TGFA: variants seen among roughly 807,000 people sequenced by gnomAD.
TGFA encodes transforming growth factor alpha.
TGFA carries 12 observed loss-of-function variants against 21.7 expected under a neutral mutation model. The ratio of observed to expected loss-of-function variants is 0.55; its 90% confidence interval spans 0.35 to 0.90. The LOEUF (loss-of-function observed/expected upper bound fraction) is 0.90, where lower values mean the gene tolerates loss of function less well. Ranked by LOEUF, TGFA falls within the 40% of genes least tolerant of loss-of-function variation. The pLI is 0.01. For synonymous variants in TGFA, 79 were observed against 88.1 expected (o/e 0.90, Z 0.58); for missense variants, 178 against 210.8 (o/e 0.84, Z 0.96).
intron 2 of TGFA, chr2:70,467,266 T>C (rs545346640): frequency 2.0e-5 from 3 of 152,286 alleles, no homozygotes; most frequent in Non-Finnish European, 4.4e-5. Flanking sequence ...ACAGTCAGTG[T>C]TGGGAAATTC....
chr2:70,553,128 C>A (rs1356554942), intron 1 of TGFA: 2 of 1,525,494 alleles, frequency 1.3e-6, no homozygotes, highest in Non-Finnish European at 1.8e-6. Context: ...GAAACCACTT[C>A]TCCCAGGGAA....
At chr2:70,514,594 C>G (rs984701771) in intron 2 of TGFA, among the ~76,000 whole-genome samples, 1 of 152,150 alleles carries the variant, frequency 6.6e-6, no homozygotes. Context: ...TTTTGGCACA[C>G]TTGCCCACAG....
chr2:70,520,940 C>A (rs1553502147), intron 1 of TGFA, among the ~76,000 whole-genome samples: 1 of 152,080 alleles, frequency 6.6e-6, no homozygotes, highest in East Asian at 1.9e-4. Context: ...CTCTCCTTCA[C>A]CCAGTATCCA....
intron 2 of TGFA, among the ~76,000 whole-genome samples, chr2:70,513,814 C>G (rs1474348134): frequency 6.6e-6 from 1 of 152,148 alleles, no homozygotes; most frequent in African/African-American, 2.4e-5. Flanking sequence ...GGAGACACAG[C>G]AGGAGGCTAG....
intron 2 of TGFA, among the ~76,000 whole-genome samples, chr2:70,482,275 G>A (rs910930889): frequency 1.3e-4 from 20 of 152,096 alleles, no homozygotes; most frequent in Non-Finnish European, 1.9e-4. Flanking sequence ...TGTGATATAG[G>A]TTCTATTATT....
chr2:70,496,382 A>C (rs533833398), intron 2 of TGFA, among the ~76,000 whole-genome samples: 12 of 151,674 alleles, frequency 7.9e-5, no homozygotes, highest in Non-Finnish European at 1.3e-4. Context: ...AAATAGCAGA[A>C]AAGGACCTAT....
intron 2 of TGFA, among the ~76,000 whole-genome samples, chr2:70,483,788 G>A (rs1671197327): frequency 6.6e-6 from 1 of 152,092 alleles, no homozygotes; most frequent in South Asian, 2.1e-4. Flanking sequence ...CCACCTAGGA[G>A]GCACTAACGT....
At chr2:70,553,312 G>C (rs1324980405) in intron 1 of TGFA, 2 of 1,510,974 alleles carry the variant, frequency 1.3e-6, no homozygotes, top group Admixed American at 4.5e-5. Flanking sequence ...CCGGCCAGAG[G>C]GTTAGACGCC....
At chr2:70,509,828 C>A (rs1247998686) in intron 2 of TGFA, among the ~76,000 whole-genome samples, 1 of 152,170 alleles carries the variant, frequency 6.6e-6, no homozygotes, top group Non-Finnish European at 1.5e-5. Context: ...TGCAACATTT[C>A]TCAGGGTTAA....
At chr2:70,500,742 C>A (rs1671714986) in intron 2 of TGFA, among the ~76,000 whole-genome samples, 3 of 152,124 alleles carry the variant, frequency 2.0e-5, no homozygotes. Flanking sequence ...AAGAGCTGGC[C>A]CTGGGCACCC....
chr2:70,553,248 T>C (rs1353826282), intron 1 of TGFA: 14 of 1,536,124 alleles, frequency 9.1e-6, no homozygotes, highest in Non-Finnish European at 1.2e-5. Flanking sequence ...ACATCTCTGC[T>C]CGTCGCTGGG....
chr2:70,493,873 C>T lies in TGFA; in HGVS notation c.94+20986G>A, dbSNP rs1188458568. On this transcript the variant is annotated intron_variant, in intron 2 of 5. Coordinates refer to ENST00000295400, the MANE Select transcript of TGFA (RefSeq NM_003236.4). ...AGGACCAACTCGTGTATACGCTCTACATTAGTACAAATTTGATTTTTCCTC... is the reference window on the plus strand; with the variant it reads ...AGGACCAACTCGTGTATACGCTCTATATTAGTACAAATTTGATTTTTCCTC... 2.6e-5 allele frequency among the ~76,000 whole-genome samples: 4 copies of T among 152,304 alleles called. No individual in the cohort carries two copies. The South Asian group carries it at 8.3e-4, about 32-fold the overall frequency.
At chr2:70,517,293 C>A (rs1371693750) in intron 1 of TGFA, among the ~76,000 whole-genome samples, 3 of 152,212 alleles carry the variant, frequency 2.0e-5, no homozygotes, top group African/African-American at 4.8e-5. Flanking sequence ...CTTCTTGGTG[C>A]CCTGGGCTTC....
intron 2 of TGFA, among the ~76,000 whole-genome samples, chr2:70,494,610 A>C (rs1442189846): frequency 6.6e-6 from 1 of 152,224 alleles, no homozygotes; most frequent in South Asian, 2.1e-4. Context: ...ATGTTGTACA[A>C]TTTATATACC....
chr2:70,521,556 A>T (rs1672460011), intron 1 of TGFA, among the ~76,000 whole-genome samples: 1 of 151,860 alleles, frequency 6.6e-6, no homozygotes, highest in Non-Finnish European at 1.5e-5. Flanking sequence ...AGTGACACAC[A>T]ATAAACATGC....
chr2:70,527,303 G>T (rs1320149093), intron 1 of TGFA, among the ~76,000 whole-genome samples: 2 of 152,186 alleles, frequency 1.3e-5, no homozygotes, highest in Non-Finnish European at 2.9e-5. Flanking sequence ...CATAGAGAAA[G>T]CTTAAATACA....
At chr2:70,523,456 T>G (rs1158766725) in intron 1 of TGFA, among the ~76,000 whole-genome samples, 1 of 152,162 alleles carries the variant, frequency 6.6e-6, no homozygotes, top group Admixed American at 6.5e-5. Flanking sequence ...TTACAGCCCT[T>G]TCTTCCACCC....
chr2:70,532,865 CTTTTTT>C (rs5832016), intron 1 of TGFA, among the ~76,000 whole-genome samples: 1 of 145,084 alleles, frequency 6.9e-6, no homozygotes, highest in African/African-American at 2.6e-5. Flanking sequence ...TATTCTTTTT[CTTTTTT>C]TTTTTTTTTA....
At chr2:70,529,863 C>T (rs1024794809) in intron 1 of TGFA, among the ~76,000 whole-genome samples, 28 of 152,176 alleles carry the variant, frequency 1.8e-4, no homozygotes, top group Non-Finnish European at 4.0e-4. Flanking sequence ...GAGATCACTG[C>T]AGAAGTTCAG....
Sources: allele counts gnomAD v4.1 joint callset (sites outside exome capture counted in the v4.1 genomes callset), GRCh38; gene constraint gnomAD v4.1.1; transcripts MANE v1.5; gene names NCBI Gene and HGNC (gene_info 2026-07-23, HGNC 2026-07-21).